Variants in BMP7 observed in about 807,000 individuals in gnomAD.
BMP7 encodes the protein osteogenic protein 1.
In BMP7, 12 loss-of-function variants were observed where a neutral mutation model predicts 41.2. The observed-to-expected ratio is 0.29, with a 90% CI of 0.19 to 0.47. The LOEUF (loss-of-function observed/expected upper bound fraction) is 0.47, where lower values mean the gene tolerates loss of function less well. BMP7 is among the 20% of genes least tolerant of loss of function. BMP7 has a pLI of 0.99. For synonymous variants in BMP7, 248 were observed against 250.0 expected (o/e 0.99, Z 0.07); for missense variants, 467 against 606.0 (o/e 0.77, Z 2.41).
At chr20:57,249,157 G>A (rs904995778) in intron 1 of BMP7, among the ~76,000 whole-genome samples, 1 of 152,022 alleles carries the variant, frequency 6.6e-6, no homozygotes, top group African/African-American at 2.4e-5. Flanking sequence ...GCAGGTAGTG[G>A]CCATTAGGAT....
Position 57,174,817 on chromosome 20 carries a change from A to T in BMP7, c.1035+114T>A. Reference sequence around the variant, plus strand: ...TCCCCTTCCCTAGCGAGGCCACTTGATACTGGAGTCTTAACTGGCAGAGAT... The same window carrying T: ...TCCCCTTCCCTAGCGAGGCCACTTGTTACTGGAGTCTTAACTGGCAGAGAT... On this transcript the variant is annotated intron_variant, in intron 5 of 6. Coordinates refer to ENST00000395863, the MANE Select transcript of BMP7 (RefSeq NM_001719.3). This position sits in a 1 kb window ranked among gnomAD's most constrained non-coding sequence, Gnocchi z 4.3. 8.3e-7 allele frequency: 1 copy of T among 1,206,456 alleles called. No individual in the cohort carries two copies. The highest frequency in any genetic ancestry group is 1.3e-5 in the South Asian group (1 of 77,278). 74.7% of individuals were successfully genotyped at this position (1,206,456 alleles called of 1,614,324 possible).
intron 1 of BMP7, among the ~76,000 whole-genome samples, chr20:57,249,739 C>G (rs1210615717): frequency 6.6e-6 from 1 of 152,208 alleles, no homozygotes; most frequent in African/African-American, 2.4e-5. Flanking sequence ...TTGTCATGTT[C>G]TCCATTGATA....
At chr20:57,202,777 C>G (rs1019113584) in intron 2 of BMP7, among the ~76,000 whole-genome samples, 154 bp from the exon 3 acceptor site, 3 of 152,158 alleles carry the variant, frequency 2.0e-5, no homozygotes, top group African/African-American at 7.2e-5. Context: ...GATCCAGGCA[C>G]AAAGACCCCT....
intron 2 of BMP7, among the ~76,000 whole-genome samples, chr20:57,204,167 A>G (rs1313322310): frequency 2.0e-5 from 3 of 152,152 alleles, no homozygotes; most frequent in Non-Finnish European, 4.4e-5. Flanking sequence ...AGAGCCTTTC[A>G]CCAGTCAACC....
chr20:57,186,105 G>A (rs925439926), intron 3 of BMP7, among the ~76,000 whole-genome samples: 1 of 152,246 alleles, frequency 6.6e-6, no homozygotes, highest in African/African-American at 2.4e-5. Context: ...AAGCTTGGGT[G>A]TCCCCAGTGT....
At chr20:57,188,546 T>TAAA (rs577598390) in intron 3 of BMP7, among the ~76,000 whole-genome samples, 44 of 117,534 alleles carry the variant, frequency 3.7e-4, no homozygotes, top group African/African-American at 1.2e-3. Flanking sequence ...GAGAATATAC[T>TAAA]AAAAAAAAAA....
At position 57,192,631 on chromosome 20, in the gene BMP7, C is replaced by A. The variant is rs1217310609; in HGVS notation, c.761-8712G>T. On this transcript the variant is annotated intron_variant, in intron 3 of 6. Transcript: ENST00000395863. ...GAACAAATTGATGTAGGCAGGAAGG[C>A]AGGACCTGCATCATATTTTAACCAT... Among the ~76,000 whole-genome samples the A allele has an allele frequency of 3.3e-5, 5 of 151,598 alleles. No homozygotes were observed. The East Asian group carries it at 9.6e-4, about 29-fold the overall frequency.
intron 2 of BMP7, among the ~76,000 whole-genome samples, chr20:57,211,956 G>A (rs575077142): frequency 6.6e-6 from 1 of 152,002 alleles, no homozygotes; most frequent in Admixed American, 6.5e-5. Context: ...TCAGCAGCTG[G>A]AGGAATGAAT....
At chr20:57,192,061 T>C (rs1984373815) in intron 3 of BMP7, among the ~76,000 whole-genome samples, 2 of 111,400 alleles carry the variant, frequency 1.8e-5, no homozygotes, top group African/African-American at 8.1e-5. Flanking sequence ...ATATAATATA[T>C]ATTTATATCT....
rs115347274 is a variant in BMP7 at position 57,186,361 on chromosome 20, C to T, written c.761-2442G>A. ...AAATAGAGGGAGCAAACTCCGTGTC[C>T]GTTGCTCTGCAGATGGACCTAAGAA... On this transcript the variant is annotated intron_variant, in intron 3 of 6. Coordinates refer to ENST00000395863, the MANE Select transcript of BMP7 (RefSeq NM_001719.3). Among the ~76,000 whole-genome samples the T allele has an allele frequency of 4.0e-3, 614 of 152,298 alleles. 2 individuals carry two copies. Among genetic ancestry groups the T allele is most frequent in the African/African-American group, 0.014 (572 of 41,548 alleles).
At chr20:57,248,007 G>A (rs2066096973) in intron 1 of BMP7, among the ~76,000 whole-genome samples, 1 of 152,194 alleles carries the variant, frequency 6.6e-6, no homozygotes. Flanking sequence ...TAGAGCTAAT[G>A]TACCTACCTG....
At chr20:57,176,177 T>A (rs183777028) in intron 4 of BMP7, among the ~76,000 whole-genome samples, 358 of 152,316 alleles carry the variant, frequency 2.4e-3, no homozygotes, top group African/African-American at 8.4e-3. Context: ...ATTCTCTTCC[T>A]CCTACTGCCC....
chr20:57,207,452 TG>T (rs964815366), intron 2 of BMP7, among the ~76,000 whole-genome samples: 1 of 152,204 alleles, frequency 6.6e-6, no homozygotes, highest in African/African-American at 2.4e-5. Flanking sequence ...AATAAAACGA[TG>T]TTGTTTTAAG....
chr20:57,206,499 T>G (rs1026040501), intron 2 of BMP7, among the ~76,000 whole-genome samples: 2 of 152,160 alleles, frequency 1.3e-5, no homozygotes, highest in African/African-American at 4.8e-5. Context: ...TGCCACCTCC[T>G]TCACTCACCT....
chr20:57,173,288 C>A lies in BMP7; in HGVS notation c.1058G>T (p.Gly353Val). 1 of 1,614,140 alleles carries A rather than the reference C, an allele frequency of 6.2e-7. No homozygotes were observed. The highest frequency in any genetic ancestry group is 8.5e-7 in the Non-Finnish European group (1 of 1,180,024). Residue 353 changes from glycine to valine, a missense_variant, in exon 6 of 7, where the codon GGC becomes GTC. Physicochemically the swap from Gly to Val is moderately radical, Grantham distance 109. This residue lies in a region of BMP7 where 60 missense variants were observed against 120.1 expected (regional missense o/e 0.50). Coordinates refer to ENST00000395863, the MANE Select transcript of BMP7 (RefSeq NM_001719.3). ...CCCCTCACAGTAGTAGGCGGCGTAG[C>A]CTTCAGGCGCGATGATCCAGTCCTG... ...GWQDWIIAPE[G>V]YAAYYCEGEC...
At position 57,218,784 on chromosome 20, in the gene BMP7, C is replaced by T. The variant is rs145576394; in HGVS notation, c.611+9445G>A. On this transcript the variant is annotated intron_variant, in intron 2 of 6. Coordinates refer to ENST00000395863, the MANE Select transcript of BMP7 (RefSeq NM_001719.3). The stretch of plus-strand genomic sequence containing the variant: ...GTAGCTGGTGTTTGTTTGGTGGTAG[C>T]TGGTGTTTGGTGGTGCTGGTGTTTG... Among the ~76,000 whole-genome samples the T allele has an allele frequency of 3.2e-3, 434 of 136,884 alleles. 4 individuals are homozygous for T. The highest frequency in any genetic ancestry group is 0.011 in the African/African-American group (409 of 35,632). 89.8% of individuals were successfully genotyped at this position (136,884 alleles called of 152,430 possible).
chr20:57,258,382 A>G (rs534742915), intron 1 of BMP7, among the ~76,000 whole-genome samples: 2 of 152,328 alleles, frequency 1.3e-5, no homozygotes, highest in East Asian at 1.9e-4. Flanking sequence ...GCAGCCTTGC[A>G]CCTGCTCCAA....
chr20:57,174,868 G>A lies in BMP7; in HGVS notation c.1035+63C>T, dbSNP rs1377826482. ...GAGAAACAAGACTGAGCACAGACCC[G>A]CTGCCTCGTGGGAGCCCACGCCAGA... On this transcript the variant is annotated intron_variant, in intron 5 of 6. Transcript: ENST00000395863. This position sits in a 1 kb window ranked among gnomAD's most constrained non-coding sequence, Gnocchi z 4.3. The A allele has an allele frequency of 1.6e-5, 25 of 1,519,986 alleles. No individual in the cohort carries two copies. The highest frequency in any genetic ancestry group is 2.1e-5 in the Non-Finnish European group (23 of 1,115,466). The allele number at this position is 1,519,986 out of a possible 1,614,324, so 94.2% of individuals were successfully genotyped here. A position where few individuals can be genotyped will look rare whatever the true frequency, so the allele number is the denominator to read the frequency against.
chr20:57,228,269 G>C lies in BMP7; in HGVS notation c.571C>G (p.Arg191Gly). 1 of 1,614,000 alleles carries C rather than the reference G, an allele frequency of 6.2e-7. No individual in the cohort carries two copies. The highest frequency in any genetic ancestry group is 8.5e-7 in the Non-Finnish European group (1 of 1,180,022). The change falls in exon 2 of 7, where the codon CGG becomes GGG. Residue 191 changes from arginine to glycine, a missense_variant. By Grantham distance (125) the Arg-to-Gly change is moderately radical. Coordinates refer to ENST00000395863, the MANE Select transcript of BMP7 (RefSeq NM_001719.3). The surrounding 1 kb of genome is among the most constrained non-coding windows in gnomAD (Gnocchi z 4.5). ...TGGAGCACCTGATAAACGCTGATCC[G>C]GAACGTCTCATTGTCGAAGCGTTCC... The part of the protein sequence containing the change: ...IRERFDNETF[R>G]ISVYQVLQEH...
Sources: allele counts gnomAD v4.1 joint callset (sites outside exome capture counted in the v4.1 genomes callset), GRCh38; gene constraint gnomAD v4.1.1; regional missense constraint gnomAD v4.1.1; non-coding constraint Gnocchi (gnomAD v3.1); transcripts MANE v1.5; gene names NCBI Gene and HGNC (gene_info 2026-07-23, HGNC 2026-07-21).